The following MYO6 variants were observed in gnomAD, a reference collection of about 807,000 sequenced individuals.
MYO6 encodes the protein myosin VI.
In MYO6, 74 loss-of-function variants were observed where a neutral mutation model predicts 178.7. That is an observed-to-expected ratio of 0.41 (90% CI 0.34 to 0.50). The LOEUF (loss-of-function observed/expected upper bound fraction) is 0.50, where lower values mean the gene tolerates loss of function less well. Ranked by LOEUF, MYO6 falls within the 20% of genes least tolerant of loss-of-function variation. MYO6 has a pLI of 0.09. For missense variants in MYO6, 1,330 were observed against 1,547.4 expected, an observed-to-expected ratio of 0.86 and a Z score of 2.36; for synonymous variants, 477 against 504.6, an observed-to-expected ratio of 0.95 and a Z score of 0.73.
Position 75,880,088 on chromosome 6 carries a change from G to A in MYO6, c.2254G>A (p.Gly752Arg). ...LGLNENDYKF[G>R]LTKVFFRPGK... ...CTTAAATGAAAATGACTACAAGTTT[G>A]GGTTAACCAAAGTATTTTTTAGACC... Residue 752 changes from glycine to arginine, a missense_variant, in exon 22 of 35, where the codon GGG becomes AGG. Transcript: ENST00000369977. 1 of 1,611,488 alleles carries A rather than the reference G, an allele frequency of 6.2e-7. No homozygotes were observed.
At chr6:75,778,815 G>A (rs1766656436) in intron 1 of MYO6, among the ~76,000 whole-genome samples, 1 of 151,566 alleles carries the variant, frequency 6.6e-6, no homozygotes, top group African/African-American at 2.4e-5. Context: ...CCAGTATTTT[G>A]AGAGGCTGAG....
At chr6:75,750,385 G>A (rs1582949926) in intron 1 of MYO6, among the ~76,000 whole-genome samples, 1 of 151,832 alleles carries the variant, frequency 6.6e-6, no homozygotes. Context: ...GTGAGCCACT[G>A]CGCCTGGCCA....
intron 1 of MYO6, among the ~76,000 whole-genome samples, chr6:75,788,912 T>C (rs544815226): frequency 6.6e-6 from 1 of 152,090 alleles, no homozygotes; most frequent in Non-Finnish European, 1.5e-5. Context: ...AGGAAAGAAA[T>C]AAGCGTTTGT....
At chr6:75,794,184 G>A (rs1180475720) in intron 1 of MYO6, among the ~76,000 whole-genome samples, 1 of 152,102 alleles carries the variant, frequency 6.6e-6, no homozygotes, top group Non-Finnish European at 1.5e-5. Context: ...AGTAAGAGTG[G>A]CAATCTTATA....
At chr6:75,794,670 T>G (rs1192344234) in intron 1 of MYO6, among the ~76,000 whole-genome samples, 2 of 151,196 alleles carry the variant, frequency 1.3e-5, no homozygotes, top group Non-Finnish European at 1.5e-5. Context: ...CTGGCAGTAG[T>G]TTCAGAGAGC....
intron 1 of MYO6, among the ~76,000 whole-genome samples, chr6:75,780,918 C>T (rs1766917508): frequency 6.6e-6 from 1 of 151,888 alleles, no homozygotes; most frequent in African/African-American, 2.4e-5. Context: ...AGTGATTCTC[C>T]TGCCCCAGCC....
chr6:75,835,818 C>T (rs1218464581), intron 6 of MYO6, 83 bp from the exon 7 acceptor site: 2 of 768,986 alleles, frequency 2.6e-6, no homozygotes, highest in East Asian at 5.2e-5. Flanking sequence ...ATCTAGGTTT[C>T]AGTTTTATAT....
At chr6:75,773,608 C>T (rs899053544) in intron 1 of MYO6, among the ~76,000 whole-genome samples, 3 of 152,128 alleles carry the variant, frequency 2.0e-5, no homozygotes. Flanking sequence ...GTGAGCAGTA[C>T]AGACACAGTC....
chr6:75,830,643 A>T, intron 5 of MYO6, 98 bp downstream of exon 5: 1 of 1,218,028 alleles, frequency 8.2e-7, no homozygotes, highest in Non-Finnish European at 1.2e-6. Context: ...CCATAAATTG[A>T]ATATATATTT....
At chr6:75,778,438 AC>A (rs1202624628) in intron 1 of MYO6, among the ~76,000 whole-genome samples, 5 of 151,538 alleles carry the variant, frequency 3.3e-5, no homozygotes, top group Non-Finnish European at 7.4e-5. Context: ...ACTAAAAAAT[AC>A]AAAAAAAATT....
intron 20 of MYO6, among the ~76,000 whole-genome samples, 161 bp from the exon 21 acceptor site, chr6:75,879,659 G>C (rs1248006946): frequency 6.6e-6 from 1 of 152,060 alleles, no homozygotes; most frequent in Non-Finnish European, 1.5e-5. Flanking sequence ...GATAAGTTGG[G>C]ACATAATGAG....
chr6:75,857,039 G>T, intron 12 of MYO6, 58 bp from the exon 13 acceptor site: 3 of 1,525,282 alleles, frequency 2.0e-6, no homozygotes, highest in Non-Finnish European at 2.7e-6. Context: ...TGCACTCTGT[G>T]GCATTTTCAC....
At chr6:75,796,214 A>G (rs1281730138) in intron 1 of MYO6, among the ~76,000 whole-genome samples, 1 of 152,176 alleles carries the variant, frequency 6.6e-6, no homozygotes, top group Non-Finnish European at 1.5e-5. Flanking sequence ...GACCTTTCTA[A>G]TATGCATATC....
intron 31 of MYO6, among the ~76,000 whole-genome samples, 164 bp from the exon 32 acceptor site, chr6:75,908,332 A>C (rs148290022): frequency 6.6e-6 from 1 of 152,324 alleles, no homozygotes; most frequent in African/African-American, 2.4e-5. Context: ...TTGAACAATA[A>C]TATTATAAAA....
intron 1 of MYO6, among the ~76,000 whole-genome samples, chr6:75,801,800 G>T (rs761227567): frequency 1.3e-4 from 20 of 152,126 alleles, no homozygotes; most frequent in Middle Eastern, 3.4e-3. Flanking sequence ...AATTAGCTGG[G>T]TGTGGTGGCA....
chr6:75,911,257 A>C (rs977950457), intron 32 of MYO6, among the ~76,000 whole-genome samples: 1 of 151,978 alleles, frequency 6.6e-6, no homozygotes, highest in African/African-American at 2.4e-5. Context: ...TGTTACCAAA[A>C]CGTAGTAACG....
At chr6:75,785,436 GT>G (rs780671549) in intron 1 of MYO6, among the ~76,000 whole-genome samples, 24 of 147,716 alleles carry the variant, frequency 1.6e-4, no homozygotes, top group Non-Finnish European at 3.2e-4. Context: ...TTGGATCCTA[GT>G]TTTTTGTTTT....
chr6:75,805,258 G>A (rs1048378901), intron 1 of MYO6, among the ~76,000 whole-genome samples: 1 of 151,546 alleles, frequency 6.6e-6, no homozygotes, highest in Non-Finnish European at 1.5e-5. Context: ...TCCTGCCTCG[G>A]CCTCCCAAAG....
rs1344772216 is a variant in MYO6, at chr6:75,918,516, T to G, written c.*3504T>G. On this transcript the variant is annotated 3_prime_UTR_variant, in exon 35 of 35. Coordinates refer to ENST00000369977, the MANE Select transcript of MYO6 (RefSeq NM_004999.4). ...GGTTATTAAAACTTGGATCAAGATA[T>G]GCCCGGTGTATACATTCTTAGCACA... The G allele has an allele frequency of 6.6e-6, 1 of 152,324 alleles. No individual in the cohort carries two copies. The highest frequency in any genetic ancestry group is 1.9e-4 in the East Asian group (1 of 5,178). The allele number at this position is 152,324 out of a possible 1,614,324, so 9.4% of individuals were successfully genotyped here.
Sources: allele counts gnomAD v4.1 joint callset (sites outside exome capture counted in the v4.1 genomes callset), GRCh38; gene constraint gnomAD v4.1.1; transcripts MANE v1.5; gene names NCBI Gene and HGNC (gene_info 2026-07-23, HGNC 2026-07-21).